The following RPTOR variants were observed in gnomAD, a reference collection of about 807,000 sequenced individuals.
RPTOR encodes the protein regulatory-associated protein of mTOR.
Under a neutral mutation model 169.9 loss-of-function variants are expected in RPTOR, and 21 were observed. The ratio of observed to expected loss-of-function variants is 0.12; its 90% CI spans 0.09 to 0.18. The LOEUF is 0.18. Ranked by LOEUF, RPTOR falls within the 10% of genes least tolerant of loss-of-function variation. RPTOR has a pLI of 1.00. For synonymous variants in RPTOR, 732 were observed against 753.2 expected, an observed-to-expected ratio of 0.97 and a Z score of 0.46; for missense variants, 1,133 against 1,855.9, an observed-to-expected ratio of 0.61 and a Z score of 7.16.
intron 1 of RPTOR, among the ~76,000 whole-genome samples, chr17:80,558,351 G>A (rs59863396): frequency 0.073 from 11,047 of 152,212 alleles, 1,358 homozygotes; most frequent in African/African-American, 0.25. Flanking sequence ...GGGTGTGACT[G>A]CAGAGAATTG....
chr17:80,616,282 A>G (rs1377033532), intron 1 of RPTOR, among the ~76,000 whole-genome samples: 2 of 142,994 alleles, frequency 1.4e-5, no homozygotes, highest in East Asian at 4.1e-4. Context: ...CAATCCATTT[A>G]TTGAAAATTG....
At chr17:80,743,547 G>C in intron 5 of RPTOR, 4 of 694,354 alleles carry the variant, frequency 5.8e-6, no homozygotes, top group Non-Finnish European at 7.1e-6. Flanking sequence ...ATCAGTTCTT[G>C]GGAAAGGTGC....
chr17:80,573,852 A>G (rs2064932771), intron 1 of RPTOR, among the ~76,000 whole-genome samples: 1 of 152,186 alleles, frequency 6.6e-6, no homozygotes, highest in Non-Finnish European at 1.5e-5. Context: ...GCTCATGGGA[A>G]CCCAGATGGA....
At chr17:80,871,508 G>C (rs563900807) in intron 13 of RPTOR, among the ~76,000 whole-genome samples, 1 of 152,334 alleles carries the variant, frequency 6.6e-6, no homozygotes, top group African/African-American at 2.4e-5. Context: ...CCCTGGCTGA[G>C]GTGGAGCAGA....
intron 6 of RPTOR, among the ~76,000 whole-genome samples, chr17:80,755,009 G>T (rs762701719): frequency 6.8e-4 from 103 of 152,250 alleles, no homozygotes; most frequent in Admixed American, 3.1e-3. Flanking sequence ...CCACAGCCCT[G>T]GGCGGACACG....
chr17:80,694,962 T>G (rs143190164), intron 3 of RPTOR, among the ~76,000 whole-genome samples: 1 of 152,050 alleles, frequency 6.6e-6, no homozygotes, highest in Non-Finnish European at 1.5e-5. Context: ...AGGGTGAGGG[T>G]GCTCCCCAGA....
intron 13 of RPTOR, among the ~76,000 whole-genome samples, chr17:80,870,649 GA>G (rs903290492): frequency 6.6e-6 from 1 of 152,280 alleles, no homozygotes; most frequent in Non-Finnish European, 1.5e-5. Context: ...TCCCACAGCA[GA>G]AGGCAGTGCC....
intron 5 of RPTOR, among the ~76,000 whole-genome samples, chr17:80,731,979 A>C (rs181706933): frequency 1.3e-5 from 2 of 152,326 alleles, no homozygotes; most frequent in Admixed American, 1.3e-4. Context: ...ACATGCAACA[A>C]GTTTGTTTGT....
chr17:80,809,189 G>GT (rs1170089502), intron 7 of RPTOR, among the ~76,000 whole-genome samples: 5 of 152,166 alleles, frequency 3.3e-5, no homozygotes, highest in South Asian at 2.1e-4. Context: ...CCTTTTCGGG[G>GT]TTTTTTTTAT....
At chr17:80,765,220 C>T (rs2066774166) in intron 6 of RPTOR, among the ~76,000 whole-genome samples, 1 of 152,080 alleles carries the variant, frequency 6.6e-6, no homozygotes, top group African/African-American at 2.4e-5. Flanking sequence ...AGGGGGCGTC[C>T]AGGGCCTCTG....
chr17:80,822,764 A>G (rs993541653), intron 8 of RPTOR, among the ~76,000 whole-genome samples: 1 of 148,254 alleles, frequency 6.7e-6, no homozygotes, highest in Non-Finnish European at 1.5e-5. Context: ...GTGTGTGTGT[A>G]TTTGTGTATG....
chr17:80,868,803 A>G (rs1198978922), intron 13 of RPTOR, among the ~76,000 whole-genome samples: 1 of 152,268 alleles, frequency 6.6e-6, no homozygotes, highest in African/African-American at 2.4e-5. Context: ...ATGAAAAGGC[A>G]TGAACTGATC....
intron 10 of RPTOR, among the ~76,000 whole-genome samples, chr17:80,840,775 A>G (rs1219218851): frequency 2.0e-4 from 12 of 59,228 alleles, no homozygotes; most frequent in South Asian, 7.4e-4. Flanking sequence ...AGCTCTCACC[A>G]CACCGCAGCT....
rs980991237 is a variant in RPTOR at position 80,965,144 on chromosome 17, AG to A, written c.*817del. The A allele has an allele frequency of 7.3e-5, 17 of 233,174 alleles. No individual in the cohort carries two copies. Among genetic ancestry groups the A allele is most frequent in the Non-Finnish European group, 1.1e-4 (13 of 118,068 alleles). The allele number at this position is 233,174 out of a possible 1,614,324, so 14.4% of individuals were successfully genotyped here. ...ATCCACGGGGCTCCTTTCCCTCCGA[AG>A]GGCTGCTCTTCCCCACAGGCGCGGG... is the stretch of plus-strand genomic sequence containing the variant. On this transcript the variant is annotated 3_prime_UTR_variant, in exon 34 of 34. Transcript: ENST00000306801.
intron 1 of RPTOR, among the ~76,000 whole-genome samples, chr17:80,607,650 C>T (rs7214653): frequency 0.15 from 22,631 of 151,012 alleles, 2,541 homozygotes; most frequent in African/African-American, 0.31. Flanking sequence ...GCTTTTATAT[C>T]TCCCCGATTT....
At chr17:80,560,406 C>T (rs556434442) in intron 1 of RPTOR, among the ~76,000 whole-genome samples, 2 of 152,288 alleles carry the variant, frequency 1.3e-5, no homozygotes, top group South Asian at 2.1e-4. Context: ...CTAAGTGCTG[C>T]GGATACCATG....
chr17:80,680,273 G>A (rs978199320), intron 3 of RPTOR, among the ~76,000 whole-genome samples: 7 of 152,226 alleles, frequency 4.6e-5, no homozygotes, highest in South Asian at 2.1e-4. Flanking sequence ...GACTTATTCC[G>A]TTCTAACTGG....
chr17:80,596,709 C>T (rs1165912102), intron 1 of RPTOR, among the ~76,000 whole-genome samples: 2 of 152,092 alleles, frequency 1.3e-5, no homozygotes, highest in African/African-American at 4.8e-5. Context: ...ATGTCAATAT[C>T]TCATTAGATA....
intron 10 of RPTOR, among the ~76,000 whole-genome samples, chr17:80,838,627 G>A (rs564759602): frequency 6.6e-6 from 1 of 152,354 alleles, no homozygotes; most frequent in East Asian, 1.9e-4. Flanking sequence ...TGAGGAAAGA[G>A]GAGCCTCTCA....
Sources: gnomAD v4.1 joint callset for allele counts (sites outside exome capture counted in the v4.1 genomes callset) on GRCh38, gnomAD v4.1.1 for gene constraint, MANE v1.5 for transcripts, NCBI Gene and HGNC (gene_info 2026-07-23, HGNC 2026-07-21) for gene names.